Variants in EAF2 observed in about 807,000 individuals in gnomAD.
The protein encoded by EAF2 is ELL associated factor 2.
In EAF2, 29 loss-of-function variants were observed where a neutral mutation model predicts 29.4. The ratio of observed to expected loss-of-function variants is 0.99; its 90% confidence interval spans 0.73 to 1.35. EAF2 has a LOEUF of 1.35. Ranked by LOEUF, EAF2 falls within the 40% of genes most tolerant of loss-of-function variation. EAF2 has a pLI of 0.00. For synonymous variants in EAF2, 103 were observed against 102.5 expected (o/e 1.00, Z -0.03); for missense variants, 292 against 312.0 (o/e 0.94, Z 0.48).
At chr3:121,835,430 C>T (rs1448796507) in intron 1 of EAF2, 39 bp downstream of exon 1, 2 of 1,578,974 alleles carry the variant, frequency 1.3e-6, no homozygotes, top group South Asian at 2.2e-5. Context: ...GGGAGCCTCC[C>T]GGGATGGGGG....
At chr3:121,858,239 C>T (rs989624632) in intron 4 of EAF2, among the ~76,000 whole-genome samples, 52 of 152,206 alleles carry the variant, frequency 3.4e-4, no homozygotes, top group Non-Finnish European at 7.3e-5. Flanking sequence ...CTTGAGGAAT[C>T]GCCACACAGT....
chr3:121,864,941 T>A (rs1262689041), intron 4 of EAF2, among the ~76,000 whole-genome samples: 3 of 152,322 alleles, frequency 2.0e-5, no homozygotes, highest in East Asian at 1.9e-4. Flanking sequence ...TTTTTCCTGT[T>A]ACTAAATTCT....
At chr3:121,848,828 T>C (rs1460744639) in intron 2 of EAF2, among the ~76,000 whole-genome samples, 1 of 152,074 alleles carries the variant, frequency 6.6e-6, no homozygotes, top group East Asian at 1.9e-4. Context: ...TGCTTTTCAG[T>C]TTCCTATAGT....
chr3:121,858,317 C>T (rs1708760680), intron 4 of EAF2, among the ~76,000 whole-genome samples: 1 of 152,326 alleles, frequency 6.6e-6, no homozygotes, highest in Non-Finnish European at 1.5e-5. Context: ...TTCTCCACAT[C>T]TCTCTAGCAC....
chr3:121,846,148 A>G (rs1448541987), intron 2 of EAF2, among the ~76,000 whole-genome samples: 1 of 152,130 alleles, frequency 6.6e-6, no homozygotes, highest in Non-Finnish European at 1.5e-5. Flanking sequence ...TACCGTGGTT[A>G]TACATATAGC....
chr3:121,868,337 G>A (rs1213802380), intron 4 of EAF2, among the ~76,000 whole-genome samples: 5 of 152,148 alleles, frequency 3.3e-5, no homozygotes, highest in African/African-American at 7.2e-5. Context: ...AGTGGCTCAC[G>A]CCTGCAATCC....
At chr3:121,840,515 A>AAAAAAAAGAC (rs1167466790) in intron 1 of EAF2, among the ~76,000 whole-genome samples, 1 of 97,892 alleles carries the variant, frequency 1.0e-5, no homozygotes, top group Non-Finnish European at 2.0e-5. Flanking sequence ...AAAAGAAAAA[A>AAAAAAAAGAC]AAAAAACGGG....
At chr3:121,835,460 C>G (rs1708247468) in intron 1 of EAF2, 69 bp downstream of exon 1, 1 of 1,411,496 alleles carries the variant, frequency 7.1e-7, no homozygotes, top group Non-Finnish European at 9.9e-7. Context: ...ACAAACCCCT[C>G]TGGGTTTTGT....
chr3:121,886,230 C>T (rs1709281828), intron 5 of EAF2, 112 bp from the exon 6 acceptor site: 2 of 520,400 alleles, frequency 3.8e-6, no homozygotes, highest in Non-Finnish European at 6.2e-6. Flanking sequence ...AAGCAAAATA[C>T]TAGGTAAACA....
rs1188519075 is a variant in EAF2, at chr3:121,882,290, A to G, written c.737-4052A>G. On this transcript the variant is annotated intron_variant, in intron 5 of 5. Coordinates refer to ENST00000273668, the MANE Select transcript of EAF2 (RefSeq NM_018456.6). ...CTCAAACCCAGGAGGTGGAGGTTACAGTAAGCTGAGATCATGTCACTGCAC... is the reference window on the plus strand; with the variant it reads ...CTCAAACCCAGGAGGTGGAGGTTACGGTAAGCTGAGATCATGTCACTGCAC... Among the ~76,000 whole-genome samples, 5 of 152,090 alleles carry G rather than the reference A, an allele frequency of 3.3e-5. No individual in the cohort carries two copies. In the East Asian group the frequency reaches 7.7e-4, roughly 24 times the overall value.
intron 5 of EAF2, among the ~76,000 whole-genome samples, chr3:121,874,845 A>T (rs950084982): frequency 5.9e-5 from 9 of 151,978 alleles, no homozygotes; most frequent in African/African-American, 1.9e-4. Context: ...GAAGAACTGG[A>T]CTATAAACAC....
At chr3:121,835,741 A>G (rs1708261424) in intron 1 of EAF2, among the ~76,000 whole-genome samples, 2 of 152,152 alleles carry the variant, frequency 1.3e-5, no homozygotes, top group Non-Finnish European at 2.9e-5. Context: ...GGAAGGGACT[A>G]AGGACCGAAT....
intron 2 of EAF2, among the ~76,000 whole-genome samples, chr3:121,850,371 T>G (rs1052160592): frequency 1.3e-5 from 2 of 152,134 alleles, no homozygotes; most frequent in Admixed American, 1.3e-4. Context: ...CTTATTACTT[T>G]GGGAGTACTA....
intron 4 of EAF2, among the ~76,000 whole-genome samples, chr3:121,861,403 T>G (rs1708827234): frequency 6.6e-6 from 1 of 152,242 alleles, no homozygotes; most frequent in Admixed American, 6.5e-5. Context: ...CTTGCTGAAT[T>G]GATCCCTTTC....
At chr3:121,855,580 T>C (rs1331781723) in intron 3 of EAF2, among the ~76,000 whole-genome samples, 1 of 152,178 alleles carries the variant, frequency 6.6e-6, no homozygotes, top group Non-Finnish European at 1.5e-5. Flanking sequence ...CTACCATCCA[T>C]GCCCTGCTGT....
At chr3:121,858,766 T>C (rs951411424) in intron 4 of EAF2, among the ~76,000 whole-genome samples, 4 of 152,192 alleles carry the variant, frequency 2.6e-5, no homozygotes, top group Admixed American at 6.5e-5. Context: ...CTGAATGGTA[T>C]TGCCTAGGTT....
chr3:121,839,876 A>G (rs1361334250), intron 1 of EAF2, among the ~76,000 whole-genome samples: 2 of 152,166 alleles, frequency 1.3e-5, no homozygotes, highest in Non-Finnish European at 2.9e-5. Flanking sequence ...AAAAATTACA[A>G]TCTAATAGGA....
intron 2 of EAF2, among the ~76,000 whole-genome samples, chr3:121,854,113 C>T (rs1708677433): frequency 6.6e-6 from 1 of 151,780 alleles, no homozygotes; most frequent in African/African-American, 2.4e-5. Context: ...GTCAGGAGTT[C>T]GAGACCAGCC....
intron 2 of EAF2, among the ~76,000 whole-genome samples, chr3:121,845,459 A>AAAAAAAAAAAAAAG (rs71133578): frequency 1.8e-3 from 177 of 96,588 alleles, no homozygotes; most frequent in African/African-American, 2.2e-3. Context: ...AAAAAAAAAA[A>AAAAAAAAAAAAAAG]AAAGAAAGAA....
Sources: gnomAD v4.1 joint callset for allele counts (sites outside exome capture counted in the v4.1 genomes callset) on GRCh38, gnomAD v4.1.1 for gene constraint, MANE v1.5 for transcripts, NCBI Gene and HGNC (gene_info 2026-07-23, HGNC 2026-07-21) for gene names.